RUSF1: variants seen among roughly 807,000 people sequenced by gnomAD.
The protein encoded by RUSF1 is RUS family member 1.
Under a neutral mutation model 63.0 loss-of-function variants are expected in RUSF1, and 58 were observed. The ratio of observed to expected loss-of-function variants is 0.92; its 90% CI spans 0.75 to 1.15. The LOEUF (loss-of-function observed/expected upper bound fraction) is 1.15. Ranked by LOEUF, RUSF1 falls within the 50% of genes most tolerant of loss-of-function variation. RUSF1 has a pLI of 0.00. For synonymous variants in RUSF1, 274 were observed against 255.8 expected, an observed-to-expected ratio of 1.07 and a Z score of -0.68; for missense variants, 652 against 611.0, an observed-to-expected ratio of 1.07 and a Z score of -0.71.
intron 2 of RUSF1, among the ~76,000 whole-genome samples, chr16:31,501,522 G>A (rs2082632868): frequency 6.6e-6 from 1 of 151,656 alleles, no homozygotes; most frequent in Admixed American, 6.6e-5. Flanking sequence ...CTTGAACTCA[G>A]GATCAATGCT....
intron 6 of RUSF1, among the ~76,000 whole-genome samples, chr16:31,496,381 G>A (rs1227132226): frequency 3.3e-5 from 5 of 152,182 alleles, no homozygotes; most frequent in Admixed American, 2.6e-4. Context: ...CACTCAGCAC[G>A]GGGTTTGTAG....
At chr16:31,499,446 A>G (rs753022722) in intron 4 of RUSF1, 39 bp from the exon 5 acceptor site, 1 of 1,612,264 alleles carries the variant, frequency 6.2e-7, no homozygotes. Context: ...GAGGTAGGAG[A>G]CTTTCATAAT....
In RUSF1 at chr16:31,499,420, C is replaced by A. The variant is rs187103305; in HGVS notation, c.495-13G>T. 5,573 of 1,613,824 alleles carry A rather than the reference C, an allele frequency of 3.5e-3. 13 individuals are homozygous for A. Among genetic ancestry groups the A allele is most frequent in the Non-Finnish European group, 4.5e-3 (5,282 of 1,179,920 alleles). ...GTCCGCAAAAAGCCTGGGGAGGGAT[C>A]AGAGGTTAGAGGTCAGAGGTAGGAG... On this transcript the variant is annotated splice_polypyrimidine_tract_variant and intron_variant, in intron 4 of 12. Transcript: ENST00000327237.
chr16:31,493,157 A>T (rs2082582454), intron 9 of RUSF1, 109 bp from the exon 10 acceptor site: 1 of 1,172,040 alleles, frequency 8.5e-7, no homozygotes. Flanking sequence ...GGCTTCACTC[A>T]GGTCCCCTCG....
At position 31,492,304 on chromosome 16, in the gene RUSF1, G is replaced by C. The variant is rs779566850; in HGVS notation, c.1124C>G (p.Pro375Arg). 1 of 1,601,234 alleles carries C rather than the reference G, an allele frequency of 6.2e-7. No individual in the cohort carries two copies. The highest frequency in any genetic ancestry group is 8.5e-7 in the Non-Finnish European group (1 of 1,173,686). The change falls in exon 11 of 13, where the codon CCC becomes CGC. Residue 375 changes from proline to arginine, a missense_variant. By Grantham distance (103) the Pro-to-Arg change is moderately radical (BLOSUM62 -2). Coordinates refer to ENST00000327237, the MANE Select transcript of RUSF1 (RefSeq NM_022744.4). ...TGTGGCGGCCCTTAGGATGGTCTTG[G>C]GGCCTGCCTTCTGGTTCAGAACTAC... ...VQVVLNQKAG[P>R]KTILRAATHG...
chr16:31,491,459 C>T (rs766874713), intron 12 of RUSF1, among the ~76,000 whole-genome samples: 18 of 151,214 alleles, frequency 1.2e-4, no homozygotes, highest in Non-Finnish European at 2.2e-4. Flanking sequence ...GTCCCACAGG[C>T]GTGCATCACC....
intron 2 of RUSF1, among the ~76,000 whole-genome samples, chr16:31,505,240 G>A (rs534604001): frequency 5.7e-4 from 87 of 152,308 alleles, no homozygotes; most frequent in African/African-American, 2.1e-3. Context: ...TCCGGGCACA[G>A]TACCTTCCCT....
chr16:31,498,192 A>G lies in RUSF1; in HGVS notation c.600+1110T>C, dbSNP rs573257713. Among the ~76,000 whole-genome samples, 3 of 152,156 alleles carry G rather than the reference A, an allele frequency of 2.0e-5. No homozygotes were observed. The South Asian group carries it at 6.2e-4, about 32-fold the overall frequency. On this transcript the variant is annotated intron_variant, in intron 5 of 12. Transcript: ENST00000327237. Reference sequence around the variant, plus strand: ...GCAGCTGGAGATGGAGGTTGTGGAGAGGGGAACTCTAGAGAGGGGTCTTAA... The same window carrying G: ...GCAGCTGGAGATGGAGGTTGTGGAGGGGGGAACTCTAGAGAGGGGTCTTAA...
At chr16:31,506,580 G>C (rs528357354) in intron 2 of RUSF1, among the ~76,000 whole-genome samples, 3 of 152,194 alleles carry the variant, frequency 2.0e-5, no homozygotes, top group Non-Finnish European at 2.9e-5. Flanking sequence ...TCAGGAGTTC[G>C]AGACCAGCCT....
At chr16:31,506,124 C>T (rs946906970) in intron 2 of RUSF1, among the ~76,000 whole-genome samples, 4 of 152,192 alleles carry the variant, frequency 2.6e-5, no homozygotes, top group Non-Finnish European at 4.4e-5. Context: ...ACGATGGGGA[C>T]GCTAACCAAC....
At chr16:31,498,659 G>C (rs2082616867) in intron 5 of RUSF1, among the ~76,000 whole-genome samples, 1 of 152,184 alleles carries the variant, frequency 6.6e-6, no homozygotes, top group Non-Finnish European at 1.5e-5. Flanking sequence ...CGTGGAGGAA[G>C]AGTGTGCTTG....
At chr16:31,507,459 C>T (rs1302862297) in intron 2 of RUSF1, among the ~76,000 whole-genome samples, 2 of 152,090 alleles carry the variant, frequency 1.3e-5, no homozygotes, top group East Asian at 3.9e-4. Context: ...CCATCAATTG[C>T]ATTCTTATGC....
chr16:31,494,791 C>T (rs1437740381), intron 6 of RUSF1, among the ~76,000 whole-genome samples: 1 of 151,936 alleles, frequency 6.6e-6, no homozygotes, highest in East Asian at 1.9e-4. Flanking sequence ...AACTCACAGC[C>T]ACCTCAAACT....
Position 31,493,870 on chromosome 16 carries a change from G to T in RUSF1, c.769C>A (p.Pro257Thr). The T allele has an allele frequency of 6.2e-7, 1 of 1,614,208 alleles. No homozygotes were observed. Among genetic ancestry groups the T allele is most frequent in the Non-Finnish European group, 8.5e-7 (1 of 1,180,036 alleles). ...CCCACCCTGCTTCCGGCTTACCCAG[G>T]GCAACCTGACACCAGAGGGAGCATC... ...LLMLPLVSGC[P>T]GFSLGCFFFL... is the part of the protein sequence containing the mutation. Residue 257 changes from proline (P) to threonine (T), a missense_variant, in exon 7 of 13, where the codon CCT (proline) becomes ACT (threonine). By Grantham distance (38) the Pro-to-Thr change is conservative. Transcript: ENST00000327237.
chr16:31,491,641 G>A (rs1357969333), intron 12 of RUSF1, among the ~76,000 whole-genome samples: 1 of 134,926 alleles, frequency 7.4e-6, no homozygotes, highest in East Asian at 2.2e-4. Context: ...TTTTTTTTGA[G>A]AGAGGGTCTT....
intron 5 of RUSF1, 40 bp downstream of exon 5, chr16:31,499,262 C>G (rs2082619932): frequency 6.5e-7 from 1 of 1,535,924 alleles, no homozygotes; most frequent in African/African-American, 1.4e-5. Flanking sequence ...ACTACCAAGG[C>G]AGGTGTTTTA....
At position 31,490,184 on chromosome 16, in the gene RUSF1, A is replaced by C. The variant is rs779812189; in HGVS notation, c.*651T>G. 3 of 1,614,160 alleles carry C rather than the reference A, an allele frequency of 1.9e-6. No homozygotes were observed. Among genetic ancestry groups the C allele is most frequent in the African/African-American group, 2.7e-5 (2 of 75,042 alleles). ...ATGCTGATGAGCAGCAAGGCTCCTCACTCCCTGTACAGAATGGGTGCCCAG... is the reference window on the plus strand; with the variant it reads ...ATGCTGATGAGCAGCAAGGCTCCTCCCTCCCTGTACAGAATGGGTGCCCAG... On this transcript the variant is annotated 3_prime_UTR_variant, in exon 13 of 13. Coordinates refer to ENST00000327237, the MANE Select transcript of RUSF1 (RefSeq NM_022744.4).
chr16:31,501,912 ATTTG>A (rs1290785642), intron 2 of RUSF1, among the ~76,000 whole-genome samples: 1 of 152,206 alleles, frequency 6.6e-6, no homozygotes, highest in Non-Finnish European at 1.5e-5. Flanking sequence ...AGCCATGCCT[ATTTG>A]TTTACAGATT....
chr16:31,500,788 C>A, intron 2 of RUSF1, 57 bp from the exon 3 acceptor site: 1 of 1,552,316 alleles, frequency 6.4e-7, no homozygotes. Flanking sequence ...GCTGTGGGGC[C>A]TGGCAGACCC....
Sources: gnomAD v4.1 joint callset for allele counts (sites outside exome capture counted in the v4.1 genomes callset) on GRCh38, gnomAD v4.1.1 for gene constraint, MANE v1.5 for transcripts, NCBI Gene and HGNC (gene_info 2026-07-23, HGNC 2026-07-21) for gene names.